CNTNAP2: variants seen among roughly 807,000 people sequenced by gnomAD.
The protein encoded by CNTNAP2 is contactin-associated protein-like 2.
A neutral mutation model predicts 155.2 loss-of-function variants in CNTNAP2; 98 were observed. That is an observed-to-expected ratio of 0.63 (90% CI 0.54 to 0.75). The LOEUF (loss-of-function observed/expected upper bound fraction) is 0.75. Ranked by LOEUF, CNTNAP2 falls within the 30% of genes least tolerant of loss-of-function variation. The pLI is 0.00. For missense variants in CNTNAP2, 1,727 were observed against 1,688.1 expected, an observed-to-expected ratio of 1.02 and a Z score of -0.40; for synonymous variants, 651 against 631.2, an observed-to-expected ratio of 1.03 and a Z score of -0.47.
At chr7:147,533,460 G>A (rs997774068) in intron 11 of CNTNAP2, among the ~76,000 whole-genome samples, 23 of 152,138 alleles carry the variant, frequency 1.5e-4, no homozygotes, top group African/African-American at 4.8e-4. Flanking sequence ...AGTACTTATT[G>A]TGTATACTCT....
chr7:147,873,668 C>T (rs962757377), intron 13 of CNTNAP2, among the ~76,000 whole-genome samples: 1 of 152,150 alleles, frequency 6.6e-6, no homozygotes, highest in African/African-American at 2.4e-5. Context: ...CTGGCTCCTC[C>T]CAAATCTCAT....
chr7:147,889,789 G>T lies in CNTNAP2; in HGVS notation c.2099-13776G>T, dbSNP rs554374763. On this transcript the variant is annotated intron_variant, in intron 13 of 23. Transcript: ENST00000361727. ...GAAAAACTAAATTTTAAATAGCTGC[G>T]TGTGGCTATTGGTTACCTACTGGGC... Among the ~76,000 whole-genome samples the T allele has an allele frequency of 4.6e-5, 7 of 152,278 alleles. No individual in the cohort carries two copies. The East Asian group carries it at 9.6e-4, about 21-fold the overall frequency.
chr7:148,406,628 G>A (rs2465890), intron 22 of CNTNAP2, among the ~76,000 whole-genome samples: 53,199 of 152,178 alleles, frequency 0.35, 11,490 homozygotes, highest in East Asian at 0.62. Flanking sequence ...TCACAAGCTT[G>A]GTGACTTTCT....
rs745449281 is a variant in CNTNAP2, at chr7:146,121,119, C to CT, written c.97+4173dup. 6.7e-3 allele frequency among the ~76,000 whole-genome samples: 439 copies of CT among 65,786 alleles called. 61 individuals carry two copies. Among genetic ancestry groups the CT allele is most frequent in the African/African-American group, 0.016 (306 of 19,268 alleles). 43.2% of individuals were successfully genotyped at this position (65,786 alleles called of 152,430 possible). ...TGTCTTAAAGTTTACATAAAGCTTC[C>CT]TTTTTTTTTTTTTTTTTTTTTTTTT... On this transcript the variant is annotated intron_variant, in intron 1 of 23. Transcript: ENST00000361727.
In CNTNAP2 at chr7:146,494,854, G is replaced by GAGCT. The variant is rs557808849; in HGVS notation, c.98-279412_98-279409dup. ...ATTTTCCCTTCACAAATAATTCGAT[G>GAGCT]AGCTAGCTTATGAAGGCAATGCATC... On this transcript the variant is annotated intron_variant, in intron 1 of 23. Transcript: ENST00000361727. Among the ~76,000 whole-genome samples, 29 of 152,308 alleles carry GAGCT rather than the reference G, an allele frequency of 1.9e-4. No homozygotes were observed. In the South Asian group the frequency reaches 5.8e-3, roughly 30 times the overall value.
At chr7:147,070,867 GATTTAAA>G (rs1272819271) in intron 4 of CNTNAP2, among the ~76,000 whole-genome samples, 1 of 152,120 alleles carries the variant, frequency 6.6e-6, no homozygotes, top group Admixed American at 6.5e-5. Context: ...ATCAGAACAT[GATTTAAA>G]ACTAAATAGC....
rs113301625 is a variant in CNTNAP2 at position 147,581,180 on chromosome 7, C to G, written c.1897+18923C>G. On this transcript the variant is annotated intron_variant, in intron 12 of 23. Transcript: ENST00000361727. ...ACTAGCTTTGTGTGATGTTGGAGAT[C>G]ACCATTTTTGTCACTTCATTATAAT... is the stretch of plus-strand genomic sequence containing the variant. 9.2e-5 allele frequency among the ~76,000 whole-genome samples: 14 copies of G among 152,256 alleles called. 1 individual carries two copies. Among genetic ancestry groups the G allele is most frequent in the African/African-American group, 3.4e-4 (14 of 41,562 alleles).
chr7:146,690,238 T>A (rs967391046), intron 1 of CNTNAP2, among the ~76,000 whole-genome samples: 2 of 152,132 alleles, frequency 1.3e-5, no homozygotes, highest in South Asian at 4.1e-4. Flanking sequence ...ATTACAAACT[T>A]TGCTGCTAGG....
intron 13 of CNTNAP2, among the ~76,000 whole-genome samples, chr7:147,894,949 C>CTTT (rs1799752025): frequency 1.5e-5 from 1 of 68,584 alleles, no homozygotes; most frequent in African/African-American, 9.7e-5. Flanking sequence ...TTCTTTCTTT[C>CTTT]TTTCTTTCTT....
In CNTNAP2 at chr7:146,266,886, A is replaced by AT. The variant is rs58244472; in HGVS notation, c.97+149933dup. 6.5e-3 allele frequency among the ~76,000 whole-genome samples: 909 copies of AT among 140,916 alleles called. 4 individuals are homozygous for AT. Among genetic ancestry groups the AT allele is most frequent in the Non-Finnish European group, 8.7e-3 (555 of 64,054 alleles). 92.4% of individuals were successfully genotyped at this position (140,916 alleles called of 152,430 possible). A position where few individuals can be genotyped will look rare whatever the true frequency, so the allele number is the denominator to read the frequency against. On this transcript the variant is annotated intron_variant, in intron 1 of 23. Coordinates refer to ENST00000361727, the MANE Select transcript of CNTNAP2 (RefSeq NM_014141.6). ...TTCTAAGGAAGGTTCACATTGCTGA[A>AT]TTTTTTTTTTTTTTTTTTTTAGTTG...
At chr7:147,273,192 C>T (rs1804799787) in intron 8 of CNTNAP2, among the ~76,000 whole-genome samples, 1 of 152,090 alleles carries the variant, frequency 6.6e-6, no homozygotes, top group Admixed American at 6.5e-5. Flanking sequence ...CACCTTATCA[C>T]CACTTCGCGC....
At chr7:148,121,302 G>A (rs1002367685) in intron 16 of CNTNAP2, among the ~76,000 whole-genome samples, 3 of 152,178 alleles carry the variant, frequency 2.0e-5, no homozygotes, top group African/African-American at 7.2e-5. Context: ...CAAAGCCCTA[G>A]GATTACAGGC....
intron 13 of CNTNAP2, among the ~76,000 whole-genome samples, chr7:147,890,937 A>G (rs889799113): frequency 2.6e-5 from 4 of 152,198 alleles, no homozygotes; most frequent in African/African-American, 9.6e-5. Context: ...TGCTGAGAGT[A>G]CACAAAAAAT....
At chr7:148,051,989 A>G (rs1374545880) in intron 15 of CNTNAP2, among the ~76,000 whole-genome samples, 1 of 152,114 alleles carries the variant, frequency 6.6e-6, no homozygotes, top group Admixed American at 6.6e-5. Flanking sequence ...AATACAAAAA[A>G]TTAGCCGGGC....
chr7:148,257,867 C>G (rs1796481354), intron 20 of CNTNAP2, among the ~76,000 whole-genome samples: 1 of 152,084 alleles, frequency 6.6e-6, no homozygotes, highest in Admixed American at 6.5e-5. Flanking sequence ...ACAGAGATTC[C>G]TCCCTCTACA....
At chr7:147,756,826 C>A (rs1797219393) in intron 13 of CNTNAP2, among the ~76,000 whole-genome samples, 1 of 152,122 alleles carries the variant, frequency 6.6e-6, no homozygotes, top group Non-Finnish European at 1.5e-5. Flanking sequence ...GAAATAAACC[C>A]TTCATCAGAA....
chr7:146,744,098 C>T (rs1801767253), intron 1 of CNTNAP2, among the ~76,000 whole-genome samples: 1 of 151,688 alleles, frequency 6.6e-6, no homozygotes, highest in South Asian at 2.1e-4. Context: ...TGTGGTTGCA[C>T]GTCCCTGTAA....
At chr7:147,352,775 G>GA (rs994395800) in intron 9 of CNTNAP2, among the ~76,000 whole-genome samples, 6 of 151,692 alleles carry the variant, frequency 4.0e-5, no homozygotes, top group Non-Finnish European at 8.8e-5. Flanking sequence ...TTTCCACATG[G>GA]AAAAAAATTC....
intron 13 of CNTNAP2, among the ~76,000 whole-genome samples, chr7:147,761,903 T>C (rs775819555): frequency 1.3e-5 from 2 of 152,118 alleles, no homozygotes; most frequent in Non-Finnish European, 2.9e-5. Flanking sequence ...TGGGTGGCTA[T>C]GTTTATGGGC....
Sources: allele counts gnomAD v4.1 joint callset (sites outside exome capture counted in the v4.1 genomes callset), GRCh38; gene constraint gnomAD v4.1.1; transcripts MANE v1.5; gene names NCBI Gene and HGNC (gene_info 2026-07-23, HGNC 2026-07-21).